The following RPS6KA2 variants were observed in gnomAD, a reference collection of about 807,000 sequenced individuals.
The protein encoded by RPS6KA2 is ribosomal protein S6 kinase A2.
Under a neutral mutation model 91.8 loss-of-function variants are expected in RPS6KA2, and 42 were observed. The observed-to-expected ratio is 0.46, with a 90% CI of 0.36 to 0.59. RPS6KA2 has a LOEUF of 0.59. Ranked by LOEUF, RPS6KA2 falls within the 20% of genes least tolerant of loss-of-function variation. The probability of loss-of-function intolerance (pLI) is 0.00; values close to 1 mark genes in which losing one functional copy is unlikely to be tolerated. For synonymous variants in RPS6KA2, 414 were observed against 393.6 expected (o/e 1.05, Z -0.61); for missense variants, 798 against 978.5 (o/e 0.82, Z 2.46).
chr6:166,486,513 C>T (rs1781415190), intron 10 of RPS6KA2, among the ~76,000 whole-genome samples: 1 of 152,260 alleles, frequency 6.6e-6, no homozygotes, highest in Admixed American at 6.5e-5. Context: ...GTCTGGGTGA[C>T]AGTTCCCCAG....
intron 2 of RPS6KA2, among the ~76,000 whole-genome samples, chr6:166,649,427 C>G (rs1348398392): frequency 1.3e-5 from 2 of 152,210 alleles, no homozygotes; most frequent in African/African-American, 4.8e-5. Flanking sequence ...TCCGGGTCAT[C>G]CTCCCTGTTA....
At chr6:166,446,849 T>C (rs533108078) in intron 14 of RPS6KA2, among the ~76,000 whole-genome samples, 3 of 152,224 alleles carry the variant, frequency 2.0e-5, no homozygotes, top group African/African-American at 7.2e-5. Context: ...TGTCACCTGG[T>C]AAATAATCTA....
intron 2 of RPS6KA2, among the ~76,000 whole-genome samples, chr6:166,831,033 G>A (rs769503854): frequency 6.6e-6 from 1 of 152,110 alleles, no homozygotes; most frequent in African/African-American, 2.4e-5. Flanking sequence ...GACTCACCAC[G>A]CATGTGGCCA....
chr6:166,675,845 T>C (rs1788605055), intron 2 of RPS6KA2, among the ~76,000 whole-genome samples: 1 of 152,214 alleles, frequency 6.6e-6, no homozygotes, highest in African/African-American at 2.4e-5. Context: ...TATTGTGTCA[T>C]ATCTTCACAG....
chr6:166,710,611 G>A lies in RPS6KA2; in HGVS notation c.123+147589C>T, dbSNP rs373769067. 5.6e-4 allele frequency among the ~76,000 whole-genome samples: 85 copies of A among 152,124 alleles called. No individual in the cohort carries two copies. In the Middle Eastern group the frequency reaches 0.017, roughly 30 times the overall value. ...TATCTCTTTTGATTACATCCTGGAG[G>A]TGCATGTGTTATGCATCCTTCTTCT... On this transcript the variant is annotated intron_variant, in intron 2 of 21. Coordinates refer to the RPS6KA2 transcript ENST00000503859.
intron 2 of RPS6KA2, among the ~76,000 whole-genome samples, chr6:166,644,092 G>C (rs7755114): frequency 2.0e-5 from 3 of 151,980 alleles, no homozygotes; most frequent in Non-Finnish European, 2.9e-5. Flanking sequence ...GCAGAATGAG[G>C]ATTAACTTGT....
At chr6:166,565,193 A>G (rs1420623336) in intron 1 of RPS6KA2, among the ~76,000 whole-genome samples, 2 of 152,180 alleles carry the variant, frequency 1.3e-5, no homozygotes, top group African/African-American at 4.8e-5. Context: ...AGGCTCTCCA[A>G]CTTTTCCCCA....
At chr6:166,685,178 C>T (rs1048657147) in intron 2 of RPS6KA2, among the ~76,000 whole-genome samples, 13 of 148,026 alleles carry the variant, frequency 8.8e-5, no homozygotes, top group Non-Finnish European at 1.0e-4. Context: ...GCTGCGGGGA[C>T]AGAGGCCGAG....
At chr6:166,475,922 A>G in intron 10 of RPS6KA2, 1 of 461,948 alleles carries the variant, frequency 2.2e-6, no homozygotes. Context: ...CATCTCTTCC[A>G]GCTGTCAATA....
chr6:166,450,982 A>G, intron 13 of RPS6KA2, 121 bp downstream of exon 13: 2 of 1,176,708 alleles, frequency 1.7e-6, no homozygotes. Flanking sequence ...AGAATTGGTG[A>G]TTAAAGTCCA....
At chr6:166,510,387 G>A (rs2128482686) in intron 3 of RPS6KA2, 30 bp from the exon 4 acceptor site, 1 of 1,456,570 alleles carries the variant, frequency 6.9e-7, no homozygotes, top group South Asian at 1.2e-5. Flanking sequence ...AGGCTTTCAT[G>A]AGGCAGGAAA....
intron 14 of RPS6KA2, among the ~76,000 whole-genome samples, chr6:166,442,880 T>A (rs1228520070): frequency 4.6e-5 from 7 of 152,214 alleles, no homozygotes; most frequent in Non-Finnish European, 1.0e-4. Context: ...GAATTAGCTA[T>A]GATATGTGTA....
At chr6:166,725,316 A>G (rs6456110) in intron 2 of RPS6KA2, among the ~76,000 whole-genome samples, 58,743 of 152,174 alleles carry the variant, frequency 0.39, 15,442 homozygotes, top group African/African-American at 0.76. Flanking sequence ...AAATCCTCAC[A>G]GATTATGTCA....
In RPS6KA2 at chr6:166,445,817, C is replaced by A. The variant is rs928543711; in HGVS notation, c.1332+2907G>T. On this transcript the variant is annotated intron_variant, in intron 14 of 20. Transcript: ENST00000265678. The surrounding 1 kb of genome is among the most constrained non-coding windows in gnomAD (Gnocchi z 4.5). ...TAGGTGGGATCGTATACGGCTCAAG[C>A]GGCAACTGGGAGTGGTAAAGCCGGA... Among the ~76,000 whole-genome samples, 1 of 152,162 alleles carries A rather than the reference C, an allele frequency of 6.6e-6. No homozygotes were observed. Among genetic ancestry groups the A allele is most frequent in the African/African-American group, 2.4e-5 (1 of 41,438 alleles).
chr6:166,603,755 G>T lies in RPS6KA2; in HGVS notation c.99+23166C>A, dbSNP rs1785837520. 6.6e-6 allele frequency among the ~76,000 whole-genome samples: 1 copy of T among 152,214 alleles called. No homozygotes were observed. The highest frequency in any genetic ancestry group is 1.5e-5 in the Non-Finnish European group (1 of 68,044). On this transcript the variant is annotated intron_variant, in intron 1 of 20. Transcript: ENST00000265678. This position sits in a 1 kb window ranked among gnomAD's most constrained non-coding sequence, Gnocchi z 4.3. ...GAATATTGCGAGGTTGCAGAAGGGA[G>T]GCCAGGGAATGGCTGTGGCCCAGGT... is the stretch of plus-strand genomic sequence containing the variant.
At chr6:166,427,666 C>A (rs553075174) in intron 16 of RPS6KA2, among the ~76,000 whole-genome samples, 9 of 152,038 alleles carry the variant, frequency 5.9e-5, no homozygotes, top group Non-Finnish European at 1.2e-4. Context: ...TAACAGACAA[C>A]CAGAGAGCCA....
In RPS6KA2 at chr6:166,814,637, G is replaced by A. The variant is rs1180969842; in HGVS notation, c.123+43563C>T. Among the ~76,000 whole-genome samples, 11 of 152,064 alleles carry A rather than the reference G, an allele frequency of 7.2e-5. No individual in the cohort carries two copies. In the East Asian group the frequency reaches 1.4e-3, roughly 19 times the overall value. On this transcript the variant is annotated intron_variant, in intron 2 of 21. Coordinates refer to the RPS6KA2 transcript ENST00000503859. ...TCTGTATTTACAGCCCCTCTCAATCGCTCACATTACTGCCTGAGCTTCGCC... is the reference window on the plus strand; with the variant it reads ...TCTGTATTTACAGCCCCTCTCAATCACTCACATTACTGCCTGAGCTTCGCC...
chr6:166,501,035 G>A (rs961841642), intron 6 of RPS6KA2, 111 bp from the exon 7 acceptor site: 4 of 933,932 alleles, frequency 4.3e-6, no homozygotes, highest in Non-Finnish European at 5.0e-6. Context: ...CGTTTTCAGG[G>A]AGCCCTGATG....
rs1220814441 is a variant in RPS6KA2, at chr6:166,517,487, G to C, written c.299-7130C>G. The stretch of plus-strand genomic sequence containing the variant: ...TTTTTTTTTTTTTTTTTTTTTTTTT[G>C]AGACGGAGTCTCGCTCTGTCGCCCA... On this transcript the variant is annotated intron_variant, in intron 3 of 20. Coordinates refer to ENST00000265678, the MANE Select transcript of RPS6KA2 (RefSeq NM_021135.6). Among the ~76,000 whole-genome samples the C allele has an allele frequency of 7.4e-5, 3 of 40,774 alleles. No individual in the cohort carries two copies. In the South Asian group the frequency reaches 2.2e-3, roughly 29 times the overall value. 26.7% of individuals were successfully genotyped at this position (40,774 alleles called of 152,430 possible). A position where few individuals can be genotyped will look rare whatever the true frequency, so the allele number is the denominator to read the frequency against.
Sources: allele counts gnomAD v4.1 joint callset (sites outside exome capture counted in the v4.1 genomes callset), GRCh38; gene constraint gnomAD v4.1.1; non-coding constraint Gnocchi (gnomAD v3.1); transcripts MANE v1.5; gene names NCBI Gene and HGNC (gene_info 2026-07-23, HGNC 2026-07-21).